HACE1: variants seen among roughly 807,000 people sequenced by gnomAD.
HACE1 encodes the protein HECT domain and ankyrin repeat containing E3 ubiquitin protein ligase 1, also known as E3 ubiquitin-protein ligase HACE1.
Under a neutral mutation model 118.4 loss-of-function variants are expected in HACE1, and 73 were observed. The ratio of observed to expected loss-of-function variants is 0.62; its 90% CI spans 0.51 to 0.75. The LOEUF is 0.75. HACE1 is among the 30% of genes least tolerant of loss of function. HACE1 has a pLI of 0.00. For missense variants in HACE1, 749 were observed against 1,102.2 expected, an observed-to-expected ratio of 0.68 and a Z score of 4.54; for synonymous variants, 368 against 374.8, an observed-to-expected ratio of 0.98 and a Z score of 0.21.
intron 22 of HACE1, among the ~76,000 whole-genome samples, chr6:104,739,239 T>G (rs1219953161): frequency 6.6e-6 from 1 of 151,972 alleles, no homozygotes; most frequent in African/African-American, 2.4e-5. Context: ...CCATCAAGAC[T>G]AGGAAGAAAC....
intron 22 of HACE1, among the ~76,000 whole-genome samples, chr6:104,743,575 T>C (rs1323850741): frequency 6.6e-6 from 1 of 151,934 alleles, no homozygotes; most frequent in East Asian, 1.9e-4. Flanking sequence ...TCAGACTTTT[T>C]TTACATCTTT....
chr6:104,733,262 G>C (rs1775406937), intron 22 of HACE1, among the ~76,000 whole-genome samples: 1 of 152,092 alleles, frequency 6.6e-6, no homozygotes, highest in South Asian at 2.1e-4. Flanking sequence ...CTCCACACAA[G>C]TAAATTTTGA....
chr6:104,830,329 A>T (rs1019401175), intron 6 of HACE1, among the ~76,000 whole-genome samples: 1 of 152,294 alleles, frequency 6.6e-6, no homozygotes, highest in East Asian at 1.9e-4. Flanking sequence ...TATTGACTCT[A>T]AGTAAAAACT....
chr6:104,763,647 G>C (rs932245912), intron 19 of HACE1, among the ~76,000 whole-genome samples: 6 of 151,998 alleles, frequency 3.9e-5, no homozygotes, highest in African/African-American at 9.7e-5. Flanking sequence ...ACATGTTCAG[G>C]GTAGCTACAG....
chr6:104,808,171 T>C (rs1486368557), intron 7 of HACE1, among the ~76,000 whole-genome samples: 3 of 151,592 alleles, frequency 2.0e-5, no homozygotes, highest in Middle Eastern at 3.4e-3. Flanking sequence ...GGGCAACAGA[T>C]TGAGGCTCTG....
intron 14 of HACE1, among the ~76,000 whole-genome samples, chr6:104,781,423 AG>A (rs1419598971): frequency 1.3e-5 from 2 of 152,156 alleles, no homozygotes; most frequent in East Asian, 1.9e-4. Context: ...CATTTCTCCA[AG>A]GAGCCCTGGT....
At chr6:104,838,039 A>G (rs187251793) in intron 5 of HACE1, among the ~76,000 whole-genome samples, 3 of 152,258 alleles carry the variant, frequency 2.0e-5, no homozygotes, top group Admixed American at 2.0e-4. Flanking sequence ...AACTATAGAA[A>G]AAGATGCAAG....
At position 104,796,992 on chromosome 6, in the gene HACE1, T is replaced by C. The variant is rs1363685433; in HGVS notation, c.651A>G (p.Leu217=). The change falls in exon 8 of 24, where the codon CTA becomes CTG. Residue 217 remains leucine, a synonymous_variant. Coordinates refer to ENST00000262903, the MANE Select transcript of HACE1 (RefSeq NM_020771.4). The part of the protein sequence containing the change: ...HGQRDTAQIL[L]LRGAKYLPDK... ...CTGGCAGATATTTGGCTCCTCGTAA[T>C]AGTAGGATCTGTGCTGTATCTCTCT... 6 of 1,600,154 alleles carry C rather than the reference T, an allele frequency of 3.7e-6. No individual in the cohort carries two copies. The East Asian group carries it at 1.1e-4, about 30-fold the overall frequency.
At chr6:104,852,228 T>TGTGTGTGTGA in intron 2 of HACE1, 89 bp downstream of exon 2, 2 of 660,796 alleles carry the variant, frequency 3.0e-6, no homozygotes, top group Non-Finnish European at 2.8e-6. Context: ...TGTGTGTGTG[T>TGTGTGTGTGA]GCGCGCGTGC....
rs191070918 is a variant in HACE1, at chr6:104,796,629, A to C, written c.816+26T>G. 286 of 1,072,938 alleles carry C rather than the reference A, an allele frequency of 2.7e-4. 3 individuals are homozygous for C. In the African/African-American group the frequency reaches 4.1e-3, roughly 15 times the overall value. 66.5% of individuals were successfully genotyped at this position (1,072,938 alleles called of 1,614,324 possible). A position where few individuals can be genotyped will look rare whatever the true frequency, so the allele number is the denominator to read the frequency against. On this transcript the variant is annotated intron_variant, in intron 9 of 23. Transcript: ENST00000262903. Reference sequence around the variant, plus strand: ...GAGCAGGAATAAAGCTTCTTCATTTACAAGCTACTATCACAAATACAATAC... The same window carrying C: ...GAGCAGGAATAAAGCTTCTTCATTTCCAAGCTACTATCACAAATACAATAC...
intron 22 of HACE1, among the ~76,000 whole-genome samples, chr6:104,741,843 A>G (rs76056215): frequency 2.7e-5 from 4 of 148,498 alleles, no homozygotes; most frequent in South Asian, 2.1e-4. Flanking sequence ...AAAAGAGCCC[A>G]CATCACCAAG....
intron 22 of HACE1, among the ~76,000 whole-genome samples, chr6:104,737,282 CA>C (rs59915070): frequency 0.25 from 10,523 of 42,344 alleles, 143 homozygotes; most frequent in African/African-American, 0.29. Flanking sequence ...GACTCTCTCT[CA>C]AAAAAAAAAA....
At chr6:104,754,688 G>A (rs185252254) in intron 19 of HACE1, among the ~76,000 whole-genome samples, 32 of 152,260 alleles carry the variant, frequency 2.1e-4, no homozygotes, top group African/African-American at 7.2e-4. Context: ...GACAAACTAA[G>A]CTTTATAAGC....
intron 20 of HACE1, among the ~76,000 whole-genome samples, chr6:104,750,058 T>G (rs1428738274): frequency 6.6e-6 from 1 of 152,154 alleles, no homozygotes; most frequent in Admixed American, 6.5e-5. Flanking sequence ...ATAGGAAGAC[T>G]GGCCTTCAAC....
At chr6:104,849,651 A>ATC (rs1775994058) in intron 3 of HACE1, among the ~76,000 whole-genome samples, 2 of 145,970 alleles carry the variant, frequency 1.4e-5, no homozygotes, top group African/African-American at 5.1e-5. Flanking sequence ...CCTTAAACAC[A>ATC]TTTTTTTTTT....
intron 20 of HACE1, among the ~76,000 whole-genome samples, chr6:104,748,555 T>A (rs534953150): frequency 6.6e-6 from 1 of 152,312 alleles, no homozygotes; most frequent in South Asian, 2.1e-4. Context: ...GCACAGCCTA[T>A]GTCCCAGCAA....
At chr6:104,843,803 T>C (rs1775341725) in intron 4 of HACE1, among the ~76,000 whole-genome samples, 1 of 152,042 alleles carries the variant, frequency 6.6e-6, no homozygotes, top group Non-Finnish European at 1.5e-5. Context: ...AGGAGGGGGA[T>C]GTAGAGATTC....
intron 11 of HACE1, 23 bp downstream of exon 11, chr6:104,791,481 A>T (rs1181086664): frequency 5.0e-6 from 8 of 1,591,156 alleles, no homozygotes; most frequent in African/African-American, 2.7e-5. Context: ...TATCTTCCTA[A>T]CAATGCCATA....
At chr6:104,740,266 G>C (rs930420523) in intron 22 of HACE1, among the ~76,000 whole-genome samples, 2 of 146,380 alleles carry the variant, frequency 1.4e-5, no homozygotes, top group African/African-American at 5.2e-5. Context: ...AACTAGAAAA[G>C]CAAGAGCAAA....
Sources: gnomAD v4.1 joint callset for allele counts (sites outside exome capture counted in the v4.1 genomes callset) on GRCh38, gnomAD v4.1.1 for gene constraint, MANE v1.5 for transcripts, NCBI Gene and HGNC (gene_info 2026-07-23, HGNC 2026-07-21) for gene names.